Variants in ARHGEF3 observed in about 807,000 individuals in gnomAD.
ARHGEF3 encodes the protein 59.8 kDA protein.
In ARHGEF3, 28 loss-of-function variants were observed where a neutral mutation model predicts 63.2. That is an observed-to-expected ratio of 0.44 (90% CI 0.33 to 0.61). The LOEUF (loss-of-function observed/expected upper bound fraction) is 0.61. Ranked by LOEUF, ARHGEF3 falls within the 20% of genes least tolerant of loss-of-function variation. The pLI, the probability that ARHGEF3 is intolerant of heterozygous loss-of-function variation, is 0.03. For synonymous variants in ARHGEF3, 266 were observed against 254.2 expected (o/e 1.05, Z -0.44); for missense variants, 533 against 659.3 (o/e 0.81, Z 2.10).
At chr3:56,838,649 G>A (rs1365024984) in intron 4 of ARHGEF3, among the ~76,000 whole-genome samples, 1 of 152,160 alleles carries the variant, frequency 6.6e-6, no homozygotes, top group East Asian at 1.9e-4. Context: ...TGATAGCAGA[G>A]AGAAGCAACA....
intron 2 of ARHGEF3, among the ~76,000 whole-genome samples, chr3:57,004,508 C>T (rs1702395219): frequency 6.6e-6 from 1 of 152,188 alleles, no homozygotes; most frequent in Admixed American, 6.5e-5. Context: ...CAAGGCCAGG[C>T]ACATAAGCAG....
At chr3:56,833,783 G>A (rs918291370) in intron 4 of ARHGEF3, among the ~76,000 whole-genome samples, 2 of 152,110 alleles carry the variant, frequency 1.3e-5, no homozygotes, top group African/African-American at 4.8e-5. Context: ...TTTAACATAT[G>A]TTTGGAAAAG....
At chr3:56,995,629 G>C (rs1252510622) in intron 2 of ARHGEF3, among the ~76,000 whole-genome samples, 688 of 45,320 alleles carry the variant, frequency 0.015, 6 homozygotes, top group African/African-American at 0.037. Context: ...CCGAGAGAGA[G>C]AGAGAGAGAG....
chr3:56,817,837 G>A (rs541164477), intron 4 of ARHGEF3, among the ~76,000 whole-genome samples: 135 of 152,138 alleles, frequency 8.9e-4, no homozygotes, highest in Non-Finnish European at 1.7e-3. Flanking sequence ...GCGTGTCATT[G>A]GCCCCAGCAT....
rs144817116 is a variant in ARHGEF3, at chr3:56,968,977, T to A, written c.63-10088A>T. On this transcript the variant is annotated intron_variant, in intron 2 of 12. Coordinates refer to the ARHGEF3 transcript ENST00000338458. ...TCTTAGCAGTTGGTGACAACCAAAA[T>A]ACATAAATTGAGAACCCCTGCTAAA... 4.7e-3 allele frequency among the ~76,000 whole-genome samples: 710 copies of A among 152,260 alleles called. 6 individuals carry two copies. Among genetic ancestry groups the A allele is most frequent in the African/African-American group, 0.016 (652 of 41,554 alleles).
intron 4 of ARHGEF3, among the ~76,000 whole-genome samples, chr3:56,809,481 C>G (rs538614707): frequency 2.4e-4 from 36 of 152,226 alleles, no homozygotes; most frequent in Admixed American, 1.4e-3. Context: ...TATGGTGTTT[C>G]TGGATGCACA....
chr3:56,878,397 A>C (rs572007408), intron 4 of ARHGEF3, among the ~76,000 whole-genome samples: 1 of 152,170 alleles, frequency 6.6e-6, no homozygotes, highest in East Asian at 1.9e-4. Context: ...TTGTGTTCTA[A>C]CCCACCAGGA....
chr3:56,752,392 A>T (rs1376385572), intron 4 of ARHGEF3, among the ~76,000 whole-genome samples: 2 of 152,248 alleles, frequency 1.3e-5, no homozygotes, highest in Non-Finnish European at 1.5e-5. Context: ...AACCAGACTG[A>T]TGTCACAAGA....
At chr3:56,826,649 A>G (rs903321625) in intron 4 of ARHGEF3, among the ~76,000 whole-genome samples, 2 of 152,200 alleles carry the variant, frequency 1.3e-5, no homozygotes, top group East Asian at 3.9e-4. Context: ...TCTCATAAGT[A>G]TCCAAAGCTA....
chr3:56,967,616 AAT>A (rs1700609333), intron 2 of ARHGEF3, among the ~76,000 whole-genome samples: 1 of 89,856 alleles, frequency 1.1e-5, no homozygotes, highest in African/African-American at 4.5e-5. Context: ...TATGTTACAT[AAT>A]ATATATTATA....
chr3:56,945,942 C>A (rs768755400), intron 3 of ARHGEF3, among the ~76,000 whole-genome samples: 8 of 152,178 alleles, frequency 5.3e-5, no homozygotes, highest in Non-Finnish European at 1.2e-4. Context: ...TCCAGAGGAA[C>A]GATCAGGCAG....
chr3:56,803,775 C>G (rs983591397), upstream of ARHGEF3, among the ~76,000 whole-genome samples: 1 of 152,120 alleles, frequency 6.6e-6, no homozygotes, highest in African/African-American at 2.4e-5. Flanking sequence ...GCACTCTAGC[C>G]TGGTGACAGA....
chr3:56,760,698 T>C (rs1425552423), intron 2 of ARHGEF3, among the ~76,000 whole-genome samples: 1 of 152,224 alleles, frequency 6.6e-6, no homozygotes, highest in Admixed American at 6.5e-5. Context: ...GCCTGAGCTC[T>C]TTCTACTTTG....
intron 1 of ARHGEF3, among the ~76,000 whole-genome samples, chr3:57,068,245 G>C (rs993040149): frequency 6.6e-6 from 1 of 152,042 alleles, no homozygotes; most frequent in Admixed American, 6.6e-5. Context: ...AAAAACATGG[G>C]AGAAGCCACC....
At chr3:56,995,165 C>T (rs1357872349) in intron 2 of ARHGEF3, among the ~76,000 whole-genome samples, 1 of 152,032 alleles carries the variant, frequency 6.6e-6, no homozygotes, top group African/African-American at 2.4e-5. Flanking sequence ...AATACAATGG[C>T]TGGGGCACAG....
chr3:56,771,729 T>C (rs2036017866), intron 2 of ARHGEF3, among the ~76,000 whole-genome samples: 1 of 152,138 alleles, frequency 6.6e-6, no homozygotes, highest in Admixed American at 6.5e-5. Flanking sequence ...ACTGAATGAA[T>C]GAGGGCCTTC....
intron 2 of ARHGEF3, among the ~76,000 whole-genome samples, chr3:56,980,128 T>C (rs1277127864): frequency 6.6e-6 from 1 of 152,204 alleles, no homozygotes; most frequent in Non-Finnish European, 1.5e-5. Context: ...ACCCTTAACC[T>C]ACCAAACATC....
intron 4 of ARHGEF3, among the ~76,000 whole-genome samples, chr3:56,829,258 C>T (rs1478313935): frequency 6.6e-6 from 1 of 152,108 alleles, no homozygotes; most frequent in Non-Finnish European, 1.5e-5. Context: ...CAATTGCCCT[C>T]CATCCAGGGC....
intron 1 of ARHGEF3, among the ~76,000 whole-genome samples, chr3:56,792,355 TTC>T (rs777752495): frequency 2.0e-5 from 3 of 152,206 alleles, no homozygotes; most frequent in African/African-American, 7.2e-5. Flanking sequence ...ACTAGGGTAT[TTC>T]TGTTTGCTAG....
Sources: allele counts gnomAD v4.1 joint callset (sites outside exome capture counted in the v4.1 genomes callset), GRCh38; gene constraint gnomAD v4.1.1; transcripts MANE v1.5; gene names NCBI Gene and HGNC (gene_info 2026-07-23, HGNC 2026-07-21).